The following ABHD17C variants were observed in gnomAD, a reference collection of about 807,000 sequenced individuals.
ABHD17C encodes the protein alpha/beta hydrolase domain-containing protein 17C.
ABHD17C carries 11 observed loss-of-function variants against 27.9 expected under a neutral mutation model. The ratio of observed to expected loss-of-function variants is 0.39; its 90% CI spans 0.25 to 0.65. The LOEUF is 0.65. Among genes scored for constraint, ABHD17C ranks in the 30% least tolerant of loss-of-function variants. The probability of loss-of-function intolerance (pLI) is 0.45; values close to 1 mark genes in which losing one functional copy is unlikely to be tolerated. For missense variants in ABHD17C, 280 were observed against 470.2 expected (o/e 0.60, Z 3.74); for synonymous variants, 233 against 209.1 (o/e 1.11, Z -0.98).
chr15:80,716,340 G>T (rs570603026), intron 1 of ABHD17C, among the ~76,000 whole-genome samples: 1 of 152,142 alleles, frequency 6.6e-6, no homozygotes, highest in Non-Finnish European at 1.5e-5. Context: ...ACTAAGCTCC[G>T]ACATGCTTCT....
chr15:80,695,591 G>A lies in ABHD17C; in HGVS notation c.162G>A (p.Ala54=). The part of the protein sequence containing the change: ...VLAPEQRGAG[A]SAPAPAQATA... ...CGCCGGAGCAGCGCGGCGCCGGCGC[G>A]TCCGCCCCGGCCCCGGCCCAGGCTA... Residue 54 remains alanine, a synonymous_variant, in exon 1 of 3, where the codon GCG becomes GCA. Transcript: ENST00000258884. This position sits in a 1 kb window ranked among gnomAD's most constrained non-coding sequence, Gnocchi z 4.3. The A allele has an allele frequency of 9.0e-7, 1 of 1,106,156 alleles. No homozygotes were observed. Among genetic ancestry groups the A allele is most frequent in the Non-Finnish European group, 1.1e-6 (1 of 908,894 alleles). The allele number at this position is 1,106,156 out of a possible 1,614,324, so 68.5% of individuals were successfully genotyped here.
At chr15:80,745,729 A>G (rs1387875929) in intron 1 of ABHD17C, among the ~76,000 whole-genome samples, 1 of 152,158 alleles carries the variant, frequency 6.6e-6, no homozygotes, top group Non-Finnish European at 1.5e-5. Context: ...AGAAATTACC[A>G]CTAAAGAACT....
intron 1 of ABHD17C, among the ~76,000 whole-genome samples, chr15:80,699,589 G>A (rs1049692370): frequency 1.3e-5 from 2 of 152,168 alleles, no homozygotes; most frequent in African/African-American, 2.4e-5. Context: ...CAGCTCCTGC[G>A]CATGCTAGAG....
intron 1 of ABHD17C, among the ~76,000 whole-genome samples, chr15:80,732,229 T>C (rs2076368345): frequency 6.6e-6 from 1 of 152,110 alleles, no homozygotes; most frequent in Non-Finnish European, 1.5e-5. Context: ...GCCCCAGACT[T>C]TTTAGCTGCA....
At chr15:80,701,691 AAC>A (rs1491552136) in intron 1 of ABHD17C, among the ~76,000 whole-genome samples, 20 of 152,122 alleles carry the variant, frequency 1.3e-4, no homozygotes, top group Admixed American at 1.1e-3. Flanking sequence ...AAAAAAAAAA[AAC>A]AAATGTTATG....
In ABHD17C at chr15:80,754,406, C is replaced by T; in HGVS notation, c.*36C>T. On this transcript the variant is annotated 3_prime_UTR_variant, in exon 3 of 3. Transcript: ENST00000258884. The stretch of plus-strand genomic sequence containing the variant: ...TTGATCTTACCTCATTTACTGTGAA[C>T]AGAAGAGTCCTCTGTTTTGCACATG... 6.4e-7 allele frequency: 1 copy of T among 1,552,104 alleles called. No individual in the cohort carries two copies. Among genetic ancestry groups the T allele is most frequent in the Non-Finnish European group, 8.8e-7 (1 of 1,136,494 alleles).
chr15:80,696,124 C>T, intron 1 of ABHD17C, 105 bp downstream of exon 1: 1 of 1,201,438 alleles, frequency 8.3e-7, no homozygotes, highest in Non-Finnish European at 1.2e-6. Flanking sequence ...GCCCCTCCTC[C>T]GGGGCTGAGG....
At chr15:80,709,686 A>T (rs1396329025) in intron 1 of ABHD17C, among the ~76,000 whole-genome samples, 1 of 151,788 alleles carries the variant, frequency 6.6e-6, no homozygotes, top group Non-Finnish European at 1.5e-5. Context: ...CCCGCCTCAC[A>T]CTTCCCGGCC....
chr15:80,739,147 A>G (rs1895172576), intron 1 of ABHD17C, among the ~76,000 whole-genome samples: 1 of 152,228 alleles, frequency 6.6e-6, no homozygotes, highest in South Asian at 2.1e-4. Context: ...GACATGATGT[A>G]GTCAACAGCA....
chr15:80,719,266 T>A (rs1404187199), intron 1 of ABHD17C, among the ~76,000 whole-genome samples: 4 of 152,240 alleles, frequency 2.6e-5, no homozygotes, highest in Admixed American at 6.5e-5. Flanking sequence ...GAAGTGAGAA[T>A]TTTTCTTGGT....
intron 1 of ABHD17C, among the ~76,000 whole-genome samples, chr15:80,715,715 G>A (rs1464946407): frequency 2.6e-5 from 4 of 152,170 alleles, no homozygotes; most frequent in Non-Finnish European, 5.9e-5. Context: ...ACGGTTCTGT[G>A]CAGCCCACAT....
chr15:80,738,660 G>A (rs1337157955), intron 1 of ABHD17C, among the ~76,000 whole-genome samples: 1 of 152,148 alleles, frequency 6.6e-6, no homozygotes, highest in African/African-American at 2.4e-5. Flanking sequence ...TAGTTCCCAA[G>A]CCCATGAGAT....
At chr15:80,703,989 C>A (rs1894609114) in intron 1 of ABHD17C, among the ~76,000 whole-genome samples, 1 of 152,104 alleles carries the variant, frequency 6.6e-6, no homozygotes, top group Non-Finnish European at 1.5e-5. Context: ...ACAATTGTGC[C>A]AATATACTAT....
intron 1 of ABHD17C, 76 bp from the exon 2 acceptor site, chr15:80,749,437 A>T: frequency 6.7e-7 from 1 of 1,484,152 alleles, no homozygotes; most frequent in Non-Finnish European, 9.2e-7. Context: ...TTATGGGTTT[A>T]AGAGGCGGGT....
chr15:80,712,218 G>A (rs1894737371), intron 1 of ABHD17C, among the ~76,000 whole-genome samples: 1 of 152,202 alleles, frequency 6.6e-6, no homozygotes, highest in African/African-American at 2.4e-5. Flanking sequence ...CTCACCCGGA[G>A]CCCAGTACAA....
At position 80,699,760 on chromosome 15, in the gene ABHD17C, T is replaced by C. The variant is rs181903738; in HGVS notation, c.590+3741T>C. On this transcript the variant is annotated intron_variant, in intron 1 of 2. Transcript: ENST00000258884. ...AAGTAGATTTGGTAAGAAAGGTGGT[T>C]GTTGCCGTTTGGCCAATAGATGATT... Among the ~76,000 whole-genome samples the C allele has an allele frequency of 3.7e-3, 571 of 152,314 alleles. 1 individual carries two copies. The highest frequency in any genetic ancestry group is 6.4e-3 in the Non-Finnish European group (433 of 68,028).
chr15:80,701,485 C>A (rs972560389), intron 1 of ABHD17C, among the ~76,000 whole-genome samples: 2 of 151,898 alleles, frequency 1.3e-5, no homozygotes, highest in African/African-American at 4.8e-5. Flanking sequence ...TTGAGACTAG[C>A]CTGGCCAACA....
chr15:80,713,606 G>A (rs1209890595), intron 1 of ABHD17C, among the ~76,000 whole-genome samples: 1 of 151,848 alleles, frequency 6.6e-6, no homozygotes, highest in African/African-American at 2.4e-5. Flanking sequence ...TCAGCAGTTC[G>A]AGACCAGCCT....
Position 80,748,018 on chromosome 15 carries a change from A to G in ABHD17C, c.591-1495A>G, listed in dbSNP as rs548466395. Among the ~76,000 whole-genome samples the G allele has an allele frequency of 7.2e-5, 11 of 152,262 alleles. No individual in the cohort carries two copies. The South Asian group carries it at 1.9e-3, about 26-fold the overall frequency. On this transcript the variant is annotated intron_variant, in intron 1 of 2. Coordinates refer to ENST00000258884, the MANE Select transcript of ABHD17C (RefSeq NM_021214.2). ...CGGCCCAGTGCTTTCCTGCTGCTGC[A>G]TTGGGTATGCGTTGCACGTCTCCCA...
Sources: allele counts gnomAD v4.1 joint callset (sites outside exome capture counted in the v4.1 genomes callset), GRCh38; gene constraint gnomAD v4.1.1; non-coding constraint Gnocchi (gnomAD v3.1); transcripts MANE v1.5; gene names NCBI Gene and HGNC (gene_info 2026-07-23, HGNC 2026-07-21).